Variants in ADAM23 observed in about 807,000 individuals in gnomAD.
The protein encoded by ADAM23 is ADAM metallopeptidase domain 23, also known as disintegrin and metalloproteinase domain-containing protein 23.
ADAM23 carries 33 observed loss-of-function variants against 120.1 expected under a neutral mutation model. That is an observed-to-expected ratio of 0.27 (90% CI 0.21 to 0.37). The LOEUF (loss-of-function observed/expected upper bound fraction) is 0.37, where lower values mean the gene tolerates loss of function less well. ADAM23 is among the 10% of genes least tolerant of loss of function. The probability of loss-of-function intolerance (pLI) is 1.00; values close to 1 mark genes in which losing one functional copy is unlikely to be tolerated. For synonymous variants in ADAM23, 367 were observed against 375.2 expected (o/e 0.98, Z 0.25); for missense variants, 862 against 1,058.2 (o/e 0.81, Z 2.57).
intron 2 of ADAM23, among the ~76,000 whole-genome samples, chr2:206,474,515 T>C (rs546436869): frequency 2.0e-5 from 3 of 152,170 alleles, no homozygotes; most frequent in South Asian, 4.1e-4. Context: ...CCTACTTTAC[T>C]GTCTCCTTCC....
chr2:206,491,791 A>G (rs1696139935), intron 3 of ADAM23, among the ~76,000 whole-genome samples: 1 of 152,208 alleles, frequency 6.6e-6, no homozygotes. Context: ...TTTCCTTGTC[A>G]AAGAGGAATT....
intron 18 of ADAM23, among the ~76,000 whole-genome samples, chr2:206,577,432 T>G (rs12992325): frequency 8.1e-6 from 1 of 122,738 alleles, no homozygotes; most frequent in Non-Finnish European, 1.6e-5. Context: ...CCCACAACAG[T>G]CCCCAGAGTC....
At chr2:206,585,205 C>G (rs758756662) in intron 18 of ADAM23, among the ~76,000 whole-genome samples, 10 of 152,188 alleles carry the variant, frequency 6.6e-5, no homozygotes, top group Non-Finnish European at 1.3e-4. Context: ...CTGTCCGGAG[C>G]TGCAATCTAG....
chr2:206,451,868 C>T (rs1695202630), intron 2 of ADAM23, among the ~76,000 whole-genome samples: 1 of 152,180 alleles, frequency 6.6e-6, no homozygotes, highest in Admixed American at 6.5e-5. Context: ...ATTGATTGAG[C>T]ATAGATGAGT....
chr2:206,592,558 T>G (rs1322612581), intron 21 of ADAM23, 59 bp from the exon 22 acceptor site: 2 of 1,573,298 alleles, frequency 1.3e-6, no homozygotes, highest in African/African-American at 2.7e-5. Context: ...CGAATCGTTT[T>G]GATTTTTTGA....
intron 3 of ADAM23, among the ~76,000 whole-genome samples, chr2:206,503,643 T>A (rs1559237499): frequency 6.6e-6 from 1 of 152,150 alleles, no homozygotes; most frequent in East Asian, 1.9e-4. Flanking sequence ...GGGACTGGCA[T>A]GTATAATAGG....
intron 3 of ADAM23, among the ~76,000 whole-genome samples, chr2:206,506,766 C>G (rs1367503195): frequency 6.6e-6 from 1 of 152,118 alleles, no homozygotes; most frequent in African/African-American, 2.4e-5. Flanking sequence ...TTTTTCTTAA[C>G]TTCTCTGCTG....
At chr2:206,556,645 A>G (rs1273698602) in intron 9 of ADAM23, among the ~76,000 whole-genome samples, 1 of 152,202 alleles carries the variant, frequency 6.6e-6, no homozygotes, top group Non-Finnish European at 1.5e-5. Context: ...AGCCCTCCAG[A>G]TGTCATTGTA....
chr2:206,477,889 AAAAAAAAAAT>A (rs1325668988), intron 2 of ADAM23, among the ~76,000 whole-genome samples: 1 of 54,510 alleles, frequency 1.8e-5, no homozygotes, highest in Admixed American at 1.7e-4. Context: ...TTAAAAAAAA[AAAAAAAAAAT>A]ATATATATAT....
chr2:206,464,943 A>G (rs768314405), intron 2 of ADAM23, among the ~76,000 whole-genome samples: 1 of 152,042 alleles, frequency 6.6e-6, no homozygotes, highest in East Asian at 1.9e-4. Flanking sequence ...GAATATGGCA[A>G]CTGTTATCTT....
intron 18 of ADAM23, among the ~76,000 whole-genome samples, chr2:206,575,397 CAT>C (rs1376003055): frequency 6.6e-6 from 1 of 152,102 alleles, no homozygotes; most frequent in Admixed American, 6.6e-5. Context: ...GAGAGTCTGT[CAT>C]GTGGATTTAT....
chr2:206,455,595 T>C (rs958320047), intron 2 of ADAM23, among the ~76,000 whole-genome samples: 4 of 152,218 alleles, frequency 2.6e-5, no homozygotes, highest in African/African-American at 9.6e-5. Flanking sequence ...CTTTTAAATA[T>C]AAGTTCCAGT....
intron 2 of ADAM23, among the ~76,000 whole-genome samples, chr2:206,478,734 G>T (rs1229175236): frequency 1.3e-5 from 2 of 152,032 alleles, no homozygotes; most frequent in Non-Finnish European, 2.9e-5. Flanking sequence ...TTTCCTACAG[G>T]CCATATTCAT....
chr2:206,447,656 A>G (rs1212912084), intron 2 of ADAM23, among the ~76,000 whole-genome samples: 1 of 152,216 alleles, frequency 6.6e-6, no homozygotes, highest in Non-Finnish European at 1.5e-5. Context: ...GATGAGAGAC[A>G]CTTGCCAGTT....
At position 206,618,020 on chromosome 2, in the gene ADAM23, G is replaced by T. The variant is rs184901772; in HGVS notation, c.*393G>T. ...CACTTAATATCTTCTAAATGATTTGGCATGATTTTTTTTTCTTTACTACCG... is the reference window on the plus strand; with the variant it reads ...CACTTAATATCTTCTAAATGATTTGTCATGATTTTTTTTTCTTTACTACCG... On this transcript the variant is annotated 3_prime_UTR_variant, in exon 26 of 26. Transcript: ENST00000264377. The T allele has an allele frequency of 4.6e-3, 759 of 165,252 alleles. No homozygotes were observed. The highest frequency in any genetic ancestry group is 0.017 in the Middle Eastern group (6 of 354). 10.2% of individuals were successfully genotyped at this position (165,252 alleles called of 1,614,324 possible).
At chr2:206,494,587 G>A (rs189755664) in intron 3 of ADAM23, among the ~76,000 whole-genome samples, 44 of 152,266 alleles carry the variant, frequency 2.9e-4, no homozygotes, top group Admixed American at 2.6e-3. Context: ...TTTTGGGTGT[G>A]GTGAGGGACA....
chr2:206,449,242 T>G (rs1045351392), intron 2 of ADAM23, among the ~76,000 whole-genome samples: 13 of 152,256 alleles, frequency 8.5e-5, no homozygotes, highest in African/African-American at 3.1e-4. Context: ...TCTCTTACTT[T>G]GTTATCAAGA....
chr2:206,448,964 G>C (rs909142728), intron 2 of ADAM23, among the ~76,000 whole-genome samples: 1 of 152,224 alleles, frequency 6.6e-6, no homozygotes, highest in African/African-American at 2.4e-5. Context: ...TCTGTCAGGA[G>C]CACAGGCCTC....
At chr2:206,607,805 C>T (rs1360300962) in intron 24 of ADAM23, among the ~76,000 whole-genome samples, 1 of 151,582 alleles carries the variant, frequency 6.6e-6, no homozygotes, top group Non-Finnish European at 1.5e-5. Context: ...TAATGTAGTA[C>T]AATATAGATT....
Sources: allele counts gnomAD v4.1 joint callset (sites outside exome capture counted in the v4.1 genomes callset), GRCh38; gene constraint gnomAD v4.1.1; transcripts MANE v1.5; gene names NCBI Gene and HGNC (gene_info 2026-07-23, HGNC 2026-07-21).